Variants in OPRM1 observed in about 807,000 individuals in gnomAD.
OPRM1 encodes mu-type opioid receptor.
A neutral mutation model predicts 31.8 loss-of-function variants in OPRM1; 27 were observed. The observed-to-expected ratio is 0.85, with a 90% CI of 0.63 to 1.17. The LOEUF (loss-of-function observed/expected upper bound fraction) is 1.17, where lower values mean the gene tolerates loss of function less well. OPRM1 is among the 50% of genes most tolerant of loss of function. The pLI is 0.00. For synonymous variants in OPRM1, 196 were observed against 189.9 expected (o/e 1.03, Z -0.26); for missense variants, 536 against 511.1 (o/e 1.05, Z -0.47).
rs1797546755 is a variant in OPRM1, at chr6:154,125,694, C to A, written c.*6973C>A. On this transcript the variant is annotated 3_prime_UTR_variant, in exon 4 of 4. Transcript: ENST00000330432. ...CCTAAAAGTTGAAAACAGGCTATCA[C>A]ATCCCATTTGCTTTAAAGTCTCTTA... 2.0e-5 allele frequency among the ~76,000 whole-genome samples: 3 copies of A among 152,110 alleles called. No individual in the cohort carries two copies. Among genetic ancestry groups the A allele is most frequent in the Non-Finnish European group, 4.4e-5 (3 of 68,034 alleles).
intron 3 of OPRM1, among the ~76,000 whole-genome samples, chr6:154,114,534 G>A (rs1447292240): frequency 1.3e-5 from 2 of 152,116 alleles, no homozygotes; most frequent in African/African-American, 4.8e-5. Context: ...TACTGCAACA[G>A]CCCAGTAAAC....
At chr6:154,029,383 A>G (rs117735359) in intron 1 of OPRM1, among the ~76,000 whole-genome samples, 7,057 of 152,296 alleles carry the variant, frequency 0.046, 316 homozygotes, top group Admixed American at 0.15. Flanking sequence ...TTCAGGACAA[A>G]TCTTGAAACT....
chr6:154,162,155 T>C lies in OPRM1; in HGVS notation c.1164+70683T>C, dbSNP rs550242368. On this transcript the variant is annotated intron_variant, in intron 3 of 3. Coordinates refer to the OPRM1 transcript ENST00000337049. ...TCCTAGTAAAGGCCAATCCCTCCAC[T>C]TGGGCACAATGGCCCCCGCTCTCCT... 2.6e-5 allele frequency among the ~76,000 whole-genome samples: 4 copies of C among 152,326 alleles called. No homozygotes were observed. In the South Asian group the frequency reaches 8.3e-4, roughly 32 times the overall value.
chr6:154,077,709 C>T lies in OPRM1; in HGVS notation c.291-12117C>T, dbSNP rs547928115. ...TAGCACCACTGCACTCCAGCCTGGG[C>T]GACAAAGTGAGATTCCATCTAAAAA... On this transcript the variant is annotated intron_variant, in intron 1 of 3. Transcript: ENST00000330432. Among the ~76,000 whole-genome samples, 28 of 151,532 alleles carry T rather than the reference C, an allele frequency of 1.8e-4. 1 individual carries two copies. Among genetic ancestry groups the T allele is most frequent in the Admixed American group, 1.2e-3 (18 of 15,218 alleles).
chr6:154,165,525 A>G (rs1162620667), intron 3 of OPRM1, among the ~76,000 whole-genome samples: 2 of 152,144 alleles, frequency 1.3e-5, no homozygotes, highest in Admixed American at 6.5e-5. Flanking sequence ...ACTGCATGAC[A>G]TGGGTCCTGT....
At position 154,060,699 on chromosome 6, in the gene OPRM1, T is replaced by A. The variant is rs150466909; in HGVS notation, c.290+20865T>A. Among the ~76,000 whole-genome samples, 19 of 152,206 alleles carry A rather than the reference T, an allele frequency of 1.2e-4. No homozygotes were observed. In the East Asian group the frequency reaches 3.7e-3, roughly 29 times the overall value. On this transcript the variant is annotated intron_variant, in intron 1 of 3. Coordinates refer to ENST00000330432, the MANE Select transcript of OPRM1 (RefSeq NM_000914.5). ...AAAAATCAGTGGATTTCTGCCTCCC[T>A]GGGAGAAAAAGATGAGGTGACACTA...
chr6:154,246,710 C>T (rs1204662498), exon 4 of OPRM1: 1 of 1,614,104 alleles, frequency 6.2e-7, no homozygotes, highest in South Asian at 1.1e-5. Context: ...TGGCAGTCAG[C>T]ATGGCCCAGA....
chr6:154,011,090 G>A, intron 1 of OPRM1: 1 of 1,242,132 alleles, frequency 8.1e-7, no homozygotes, highest in Non-Finnish European at 1.1e-6. Context: ...AGGAGTAAGG[G>A]CTGCTTGACA....
intron 3 of OPRM1, among the ~76,000 whole-genome samples, chr6:154,162,145 A>G (rs1799077969): frequency 6.6e-6 from 1 of 152,116 alleles, no homozygotes; most frequent in Non-Finnish European, 1.5e-5. Flanking sequence ...GTAAAGGCCA[A>G]TCCCTCCACT....
intron 3 of OPRM1, among the ~76,000 whole-genome samples, chr6:154,189,929 G>A (rs1320949011): frequency 6.7e-6 from 1 of 148,970 alleles, no homozygotes; most frequent in Admixed American, 6.6e-5. Context: ...GGGCGACAGA[G>A]TAAGACTCAG....
rs1337006118 is a variant in OPRM1 at position 154,122,263 on chromosome 6, G to A, written c.*3542G>A. ...TAGAAATATCCACCAGCAGAAAATT[G>A]GTTTCTCAAGGAATCCCTACTGCCC... On this transcript the variant is annotated 3_prime_UTR_variant, in exon 4 of 4. Coordinates refer to ENST00000330432, the MANE Select transcript of OPRM1 (RefSeq NM_000914.5). Among the ~76,000 whole-genome samples the A allele has an allele frequency of 6.6e-6, 1 of 152,096 alleles. No individual in the cohort carries two copies. The highest frequency in any genetic ancestry group is 1.5e-5 in the Non-Finnish European group (1 of 68,000).
At chr6:154,039,856 C>T in intron 1 of OPRM1, 22 bp downstream of exon 1, 1 of 1,553,808 alleles carries the variant, frequency 6.4e-7, no homozygotes, top group South Asian at 1.2e-5. Flanking sequence ...GCCAGGGCTC[C>T]GAGCGGAGGG....
chr6:154,106,974 C>G (rs1282436377), intron 3 of OPRM1, among the ~76,000 whole-genome samples: 2 of 152,082 alleles, frequency 1.3e-5, no homozygotes, highest in African/African-American at 4.8e-5. Context: ...GTCATGTGAA[C>G]AAAGAGGCAT....
intron 1 of OPRM1, among the ~76,000 whole-genome samples, chr6:154,077,860 C>T (rs1252000096): frequency 6.6e-6 from 1 of 151,722 alleles, no homozygotes; most frequent in Non-Finnish European, 1.5e-5. Context: ...CTTCCAGATC[C>T]TCACACCCCA....
chr6:154,243,641 C>A (rs1047035076), intron 3 of OPRM1, among the ~76,000 whole-genome samples: 2 of 152,206 alleles, frequency 1.3e-5, no homozygotes, highest in East Asian at 3.8e-4. Flanking sequence ...ATTTCCAGAG[C>A]TGTTCTCTCA....
intron 1 of OPRM1, among the ~76,000 whole-genome samples, chr6:154,064,843 T>C (rs1339734346): frequency 5.3e-5 from 8 of 152,176 alleles, no homozygotes; most frequent in Non-Finnish European, 1.5e-5. Flanking sequence ...ATTCCATTGG[T>C]CAATATGTAT....
chr6:154,026,417 T>C (rs1297477910), intron 1 of OPRM1, among the ~76,000 whole-genome samples: 1 of 152,188 alleles, frequency 6.6e-6, no homozygotes, highest in East Asian at 1.9e-4. Flanking sequence ...GAAGTAGTCT[T>C]CTTTAGATTA....
At chr6:154,025,058 G>A (rs1030952577) in intron 1 of OPRM1, among the ~76,000 whole-genome samples, 1 of 152,038 alleles carries the variant, frequency 6.6e-6, no homozygotes, top group East Asian at 1.9e-4. Flanking sequence ...TACAGATTAA[G>A]TGTGAAGTCT....
intron 3 of OPRM1, chr6:154,154,892 G>C (rs901136757): frequency 1.3e-5 from 2 of 152,338 alleles, no homozygotes; most frequent in African/African-American, 4.8e-5. Flanking sequence ...ACACCATGCA[G>C]TGCTAAAAGT....
Sources: allele counts gnomAD v4.1 joint callset (sites outside exome capture counted in the v4.1 genomes callset), GRCh38; gene constraint gnomAD v4.1.1; transcripts MANE v1.5; gene names NCBI Gene and HGNC (gene_info 2026-07-23, HGNC 2026-07-21).